RSU1: variants seen among roughly 807,000 people sequenced by gnomAD.
RSU1 encodes the protein Ras suppressor protein 1, also known as rsu-1.
In RSU1, 26 loss-of-function variants were observed where a neutral mutation model predicts 31.1. The ratio of observed to expected loss-of-function variants is 0.84; its 90% CI spans 0.61 to 1.16. The LOEUF (loss-of-function observed/expected upper bound fraction) is 1.16. RSU1 is among the 50% of genes most tolerant of loss of function. RSU1 has a pLI of 0.00. For missense variants in RSU1, 320 were observed against 339.1 expected (o/e 0.94, Z 0.44); for synonymous variants, 164 against 136.3 (o/e 1.20, Z -1.41).
At chr10:16,633,119 C>T (rs1015071362) in intron 8 of RSU1, among the ~76,000 whole-genome samples, 4 of 152,174 alleles carry the variant, frequency 2.6e-5, no homozygotes, top group African/African-American at 4.8e-5. Context: ...TCAGCACCCC[C>T]GGCTGTTACC....
intron 4 of RSU1, among the ~76,000 whole-genome samples, chr10:16,761,718 T>TAATTACA (rs1837215073): frequency 6.6e-6 from 1 of 151,940 alleles, no homozygotes; most frequent in Admixed American, 6.6e-5. Context: ...TAGCTGGGCG[T>TAATTACA]GGTGGCAGGC....
rs114606337 is a variant in RSU1, at chr10:16,601,606, C to A, written c.732-8110G>T. On this transcript the variant is annotated intron_variant, in intron 8 of 8. Transcript: ENST00000345264. ...TGACTTCCCTTCCCAGTGTGTCCTA[C>A]ACAGGATGTCTGAACTCTTCCTGGT... Among the ~76,000 whole-genome samples the A allele has an allele frequency of 3.6e-3, 554 of 152,320 alleles. 4 individuals carry two copies. The highest frequency in any genetic ancestry group is 0.013 in the African/African-American group (535 of 41,560).
At chr10:16,604,875 G>T (rs11254105) in intron 8 of RSU1, among the ~76,000 whole-genome samples, 6 of 151,958 alleles carry the variant, frequency 3.9e-5, no homozygotes, top group African/African-American at 1.5e-4. Flanking sequence ...GGCCTCACAT[G>T]GGAGCTCAAA....
At chr10:16,721,413 AC>A (rs1454777884) in intron 7 of RSU1, 1 of 152,280 alleles carries the variant, frequency 6.6e-6, no homozygotes, top group African/African-American at 2.4e-5. Flanking sequence ...TTACCTGGAC[AC>A]ACCAAGAAAT....
intron 8 of RSU1, among the ~76,000 whole-genome samples, chr10:16,612,996 C>A (rs1425306971): frequency 1.3e-5 from 2 of 152,062 alleles, no homozygotes; most frequent in African/African-American, 4.8e-5. Context: ...TCTGAGAGAG[C>A]ATTAACAATG....
chr10:16,738,050 C>A, intron 7 of RSU1, among the ~76,000 whole-genome samples: 1 of 152,176 alleles, frequency 6.6e-6, no homozygotes, highest in East Asian at 1.9e-4. Context: ...GGCCCCAGGT[C>A]TTACAAAAGA....
Position 16,695,160 on chromosome 10 carries a change from G to GGGT in RSU1, c.599-6_599-5insACC. The GGGT allele has an allele frequency of 6.8e-7, 1 of 1,476,336 alleles. No individual in the cohort carries two copies. 91.5% of individuals were successfully genotyped at this position (1,476,336 alleles called of 1,614,324 possible). On this transcript the variant is annotated splice_polypyrimidine_tract_variant and splice_region_variant and intron_variant, in intron 7 of 8. Transcript: ENST00000345264. ...GGCCAGTTAAATCCAAGTTTCCTGGGGGGGGGGAAAAAAAAAGTGAAGGTC... is the reference window on the plus strand; with the variant it reads ...GGCCAGTTAAATCCAAGTTTCCTGGGGGTGGGGGGGAAAAAAAAAGTGAAGGTC...
chr10:16,797,748 C>T (rs1838069187), intron 2 of RSU1, among the ~76,000 whole-genome samples: 1 of 146,588 alleles, frequency 6.8e-6, no homozygotes, highest in South Asian at 2.2e-4. Flanking sequence ...AAATTAGAAA[C>T]AAAAAAAATT....
At chr10:16,743,910 G>C (rs184590500) in intron 7 of RSU1, among the ~76,000 whole-genome samples, 1 of 151,934 alleles carries the variant, frequency 6.6e-6, no homozygotes, top group Admixed American at 6.6e-5. Flanking sequence ...GTGGAAGGAC[G>C]GCCTCAGCTC....
At chr10:16,809,561 G>A (rs574638980) in intron 2 of RSU1, among the ~76,000 whole-genome samples, 55 of 152,100 alleles carry the variant, frequency 3.6e-4, no homozygotes, top group Non-Finnish European at 6.6e-4. Context: ...AATGCTCCTT[G>A]GCCACATTTT....
intron 8 of RSU1, among the ~76,000 whole-genome samples, chr10:16,605,916 C>G (rs953749276): frequency 6.6e-6 from 1 of 152,198 alleles, no homozygotes; most frequent in East Asian, 1.9e-4. Flanking sequence ...ATCCTCCTGC[C>G]TCAGCCTCCT....
intron 2 of RSU1, among the ~76,000 whole-genome samples, chr10:16,793,624 A>G (rs1280884781): frequency 6.6e-6 from 1 of 152,188 alleles, no homozygotes; most frequent in Non-Finnish European, 1.5e-5. Context: ...AGAGAAAAAT[A>G]TAGTAAGCCA....
intron 3 of RSU1, among the ~76,000 whole-genome samples, chr10:16,772,641 G>GAAAAAAAAAAAAAAAA (rs60460081): frequency 8.5e-4 from 55 of 64,696 alleles, no homozygotes; most frequent in African/African-American, 2.2e-3. Context: ...AGTAGAATAT[G>GAAAAAAAAAAAAAAAA]AAAAAAAAAA....
chr10:16,784,168 GC>G (rs58130734), intron 2 of RSU1, among the ~76,000 whole-genome samples: 16,192 of 151,750 alleles, frequency 0.11, 2,223 homozygotes, highest in African/African-American at 0.32. Flanking sequence ...TGCAGCCTCA[GC>G]ATCCCAGGCT....
At chr10:16,773,894 C>T (rs1293858055) in intron 3 of RSU1, among the ~76,000 whole-genome samples, 7 of 151,212 alleles carry the variant, frequency 4.6e-5, no homozygotes, top group Non-Finnish European at 1.0e-4. Context: ...TTAAAAAAAT[C>T]AGGTGACTAG....
intron 2 of RSU1, among the ~76,000 whole-genome samples, chr10:16,793,103 A>T (rs1401970089): frequency 7.0e-6 from 1 of 143,762 alleles, no homozygotes; most frequent in African/African-American, 2.6e-5. Context: ...ATTCACCAAC[A>T]CACCAGAATC....
chr10:16,732,443 C>A (rs1836534011), intron 7 of RSU1, among the ~76,000 whole-genome samples: 1 of 152,068 alleles, frequency 6.6e-6, no homozygotes, highest in Non-Finnish European at 1.5e-5. Context: ...AGAACAGACA[C>A]AAGAAAAATG....
intron 4 of RSU1, among the ~76,000 whole-genome samples, chr10:16,762,136 G>A (rs1837221626): frequency 6.6e-6 from 1 of 151,924 alleles, no homozygotes; most frequent in South Asian, 2.1e-4. Context: ...CTTCACCTTG[G>A]CTCCCCGGTA....
intron 4 of RSU1, among the ~76,000 whole-genome samples, chr10:16,763,139 G>A (rs1837242970): frequency 6.6e-6 from 1 of 152,194 alleles, no homozygotes; most frequent in Admixed American, 6.5e-5. Flanking sequence ...ACTGCAGCAT[G>A]AGTGGGCAGT....
Sources: gnomAD v4.1 joint callset for allele counts (sites outside exome capture counted in the v4.1 genomes callset) on GRCh38, gnomAD v4.1.1 for gene constraint, MANE v1.5 for transcripts, NCBI Gene and HGNC (gene_info 2026-07-23, HGNC 2026-07-21) for gene names.